Variants in WRN observed in about 807,000 individuals in gnomAD.
WRN encodes the protein bifunctional 3'-5' exonuclease/ATP-dependent helicase WRN.
A neutral mutation model predicts 180.7 loss-of-function variants in WRN; 149 were observed. That is an observed-to-expected ratio of 0.82 (90% CI 0.72 to 0.94). The LOEUF (loss-of-function observed/expected upper bound fraction) is 0.94, where lower values mean the gene tolerates loss of function less well. Among genes scored for constraint, WRN ranks in the 40% least tolerant of loss-of-function variants. The pLI, the probability that WRN is intolerant of heterozygous loss-of-function variation, is 0.00. For missense variants in WRN, 1,661 were observed against 1,700.1 expected, an observed-to-expected ratio of 0.98 and a Z score of 0.40; for synonymous variants, 548 against 568.9, an observed-to-expected ratio of 0.96 and a Z score of 0.52.
chr8:31,147,884 A>ATTTTTT (rs367782924), intron 30 of WRN, among the ~76,000 whole-genome samples: 2 of 126,904 alleles, frequency 1.6e-5, no homozygotes, highest in African/African-American at 3.0e-5. Context: ...CTTCTTCTTC[A>ATTTTTT]TTTTTTTTTT....
intron 29 of WRN, 26 bp from the exon 30 acceptor site, chr8:31,147,338 G>A: frequency 6.2e-7 from 1 of 1,605,704 alleles, no homozygotes; most frequent in Non-Finnish European, 8.5e-7. Context: ...ACTTTAAAAA[G>A]TGTTGTTTCT....
At chr8:31,040,017 T>G (rs1284054220) in intron 1 of WRN, among the ~76,000 whole-genome samples, 1 of 152,150 alleles carries the variant, frequency 6.6e-6, no homozygotes, top group Non-Finnish European at 1.5e-5. Context: ...TGAACCAACA[T>G]TGTAGCAGCG....
At chr8:31,143,064 C>T (rs376599673) in intron 27 of WRN, among the ~76,000 whole-genome samples, 3 of 132,722 alleles carry the variant, frequency 2.3e-5, no homozygotes, top group Non-Finnish European at 3.4e-5. Context: ...CATTCTCTCT[C>T]TCTCTCTCTC....
chr8:31,059,164 GA>G lies in WRN; in HGVS notation c.110del (p.Lys37ArgfsTer11), dbSNP rs1390485769. On this transcript the variant is annotated frameshift_variant, in exon 3 of 35. Transcript: ENST00000298139. LOFTEE classifies it high-confidence loss of function. ...TTACTAAACTCAAGGCATGTGTTCGGAAGAGTGTTTTTGAAGATGACCTCCC... is the reference window on the plus strand; with the variant it reads ...TTACTAAACTCAAGGCATGTGTTCGGAGAGTGTTTTTGAAGATGACCTCCC... ...AVEERKACVR[K>X]SVFEDDLPFL... 2 of 1,613,546 alleles carry G rather than the reference GA, an allele frequency of 1.2e-6. No homozygotes were observed. Among genetic ancestry groups the G allele is most frequent in the Non-Finnish European group, 1.7e-6 (2 of 1,179,708 alleles).
At chr8:31,122,994 C>T (rs568106832) in intron 21 of WRN, among the ~76,000 whole-genome samples, 26 of 150,392 alleles carry the variant, frequency 1.7e-4, no homozygotes, top group Non-Finnish European at 3.8e-4. Flanking sequence ...CCCTTGTCTG[C>T]ATTTTCACTT....
intron 24 of WRN, among the ~76,000 whole-genome samples, chr8:31,135,005 G>A (rs918520259): frequency 2.3e-4 from 35 of 151,438 alleles, no homozygotes; most frequent in Non-Finnish European, 3.8e-4. Flanking sequence ...AAGCACCCCC[G>A]TCCTCCCCCA....
chr8:31,060,380 A>G (rs995208091), intron 3 of WRN, among the ~76,000 whole-genome samples: 1 of 152,086 alleles, frequency 6.6e-6, no homozygotes, highest in South Asian at 2.1e-4. Flanking sequence ...CAGCCATAGT[A>G]AGACCCCCAT....
chr8:31,073,015 A>G (rs944127098), intron 7 of WRN, among the ~76,000 whole-genome samples: 5 of 152,212 alleles, frequency 3.3e-5, no homozygotes, highest in Non-Finnish European at 7.3e-5. Context: ...AGCTTGGGCC[A>G]TATCACGTAG....
chr8:31,135,305 C>A (rs1802356664), intron 24 of WRN, among the ~76,000 whole-genome samples: 1 of 152,034 alleles, frequency 6.6e-6, no homozygotes, highest in Non-Finnish European at 1.5e-5. Context: ...GTGATACCCA[C>A]CACCCTTGGC....
At chr8:31,073,980 G>T (rs1011249135) in intron 7 of WRN, among the ~76,000 whole-genome samples, 10 of 151,462 alleles carry the variant, frequency 6.6e-5, no homozygotes, top group African/African-American at 2.4e-4. Context: ...GCAGTGGCGC[G>T]ATCTCTGCTC....
intron 24 of WRN, among the ~76,000 whole-genome samples, chr8:31,134,931 C>T (rs2130386194): frequency 6.6e-6 from 1 of 152,268 alleles, no homozygotes; most frequent in Non-Finnish European, 1.5e-5. Context: ...TTATAGTTCA[C>T]AATGACTTTC....
chr8:31,065,142 G>C (rs2130038219), intron 5 of WRN, 79 bp downstream of exon 5: 2 of 1,478,318 alleles, frequency 1.4e-6, no homozygotes, highest in Admixed American at 2.0e-5. Context: ...CTGAATGTTA[G>C]ATTTTTTTTT....
chr8:31,139,084 G>C (rs765095849), intron 24 of WRN, among the ~76,000 whole-genome samples: 2 of 152,018 alleles, frequency 1.3e-5, no homozygotes, highest in Admixed American at 6.6e-5. Context: ...TATGTATGTC[G>C]TTCTTGTTCT....
chr8:31,083,952 A>G (rs1472147000), intron 10 of WRN, among the ~76,000 whole-genome samples, 173 bp downstream of exon 10: 1 of 152,170 alleles, frequency 6.6e-6, no homozygotes, highest in Non-Finnish European at 1.5e-5. Context: ...TCTATAAATA[A>G]TGGGTTAGAG....
chr8:31,153,023 A>T (rs2130464040), intron 31 of WRN, among the ~76,000 whole-genome samples: 1 of 149,530 alleles, frequency 6.7e-6, no homozygotes, highest in Non-Finnish European at 1.5e-5. Context: ...AGCCTGAGTG[A>T]TAGAAAAAAA....
At chr8:31,161,751 A>G (rs1225399418) in intron 33 of WRN, among the ~76,000 whole-genome samples, 1 of 145,192 alleles carries the variant, frequency 6.9e-6, no homozygotes, top group Non-Finnish European at 1.5e-5. Context: ...AGGCAGGAGA[A>G]TTGCTTGAAC....
rs189901075 is a variant in WRN, at chr8:31,055,089, T to G, written c.-76-3283T>G. Among the ~76,000 whole-genome samples, 4 of 152,370 alleles carry G rather than the reference T, an allele frequency of 2.6e-5. No homozygotes were observed. In the East Asian group the frequency reaches 7.7e-4, roughly 29 times the overall value. ...TGGCTGCATAGTATTCCATTTTATA[T>G]GTACCACATTTTCTTTATCTAGTCT... On this transcript the variant is annotated intron_variant, in intron 1 of 34. Transcript: ENST00000298139.
At chr8:31,045,218 A>G (rs549851805) in intron 1 of WRN, among the ~76,000 whole-genome samples, 5 of 152,122 alleles carry the variant, frequency 3.3e-5, no homozygotes, top group Non-Finnish European at 5.9e-5. Flanking sequence ...TATTTATTGT[A>G]TGTATTTACG....
chr8:31,129,866 G>A (rs1193840047), intron 23 of WRN, among the ~76,000 whole-genome samples: 9 of 151,892 alleles, frequency 5.9e-5, no homozygotes, highest in African/African-American at 1.2e-4. Context: ...TCAGCTGGGC[G>A]TGGTGGCACG....
Sources: allele counts gnomAD v4.1 joint callset (sites outside exome capture counted in the v4.1 genomes callset), GRCh38; gene constraint gnomAD v4.1.1; transcripts MANE v1.5; gene names NCBI Gene and HGNC (gene_info 2026-07-23, HGNC 2026-07-21).